Variants in RELN observed in about 807,000 individuals in gnomAD.
RELN encodes reelin.
RELN carries 108 observed loss-of-function variants against 427.6 expected under a neutral mutation model. That is an observed-to-expected ratio of 0.25 (90% CI 0.22 to 0.30). The LOEUF is 0.30. RELN is among the 10% of genes least tolerant of loss of function. The pLI is 1.00. For synonymous variants in RELN, 1,524 were observed against 1,513.4 expected, an observed-to-expected ratio of 1.01 and a Z score of -0.16; for missense variants, 3,715 against 4,302.8, an observed-to-expected ratio of 0.86 and a Z score of 3.82.
At chr7:103,481,253 T>C (rs1828225679) in intron 63 of RELN, among the ~76,000 whole-genome samples, 1 of 152,118 alleles carries the variant, frequency 6.6e-6, no homozygotes, top group African/African-American at 2.4e-5. Context: ...AATTGATTGT[T>C]TGGGCAGGAT....
chr7:103,895,338 C>A (rs182982790), intron 2 of RELN, among the ~76,000 whole-genome samples: 1 of 151,928 alleles, frequency 6.6e-6, no homozygotes, highest in Non-Finnish European at 1.5e-5. Flanking sequence ...AGATACCACA[C>A]GAGGCAAATG....
At chr7:103,538,433 C>T (rs993423533) in intron 45 of RELN, among the ~76,000 whole-genome samples, 20 of 152,224 alleles carry the variant, frequency 1.3e-4, no homozygotes, top group South Asian at 1.2e-3. Flanking sequence ...ATCTCTCCTA[C>T]GATGGGTCTG....
At chr7:103,865,138 A>T (rs887868973) in intron 2 of RELN, among the ~76,000 whole-genome samples, 17 of 140,374 alleles carry the variant, frequency 1.2e-4, no homozygotes, top group Non-Finnish European at 2.7e-4. Flanking sequence ...GTCTCAAAAA[A>T]AAAAAAAAAA....
intron 3 of RELN, among the ~76,000 whole-genome samples, chr7:103,817,098 C>T (rs948292223): frequency 3.9e-5 from 6 of 152,224 alleles, no homozygotes; most frequent in East Asian, 1.9e-4. Flanking sequence ...GTGATCCGCC[C>T]GCTTTGGCCT....
At chr7:103,865,132 CAA>C (rs386410871) in intron 2 of RELN, among the ~76,000 whole-genome samples, 18,030 of 66,488 alleles carry the variant, frequency 0.27, 739 homozygotes, top group East Asian at 0.49. Context: ...GAAACTGTCT[CAA>C]AAAAAAAAAA....
intron 1 of RELN, among the ~76,000 whole-genome samples, chr7:103,928,847 C>A (rs574365546): frequency 6.6e-6 from 1 of 152,172 alleles, no homozygotes; most frequent in African/African-American, 2.4e-5. Flanking sequence ...AATCACAGCC[C>A]TCTGGTGATG....
chr7:103,771,253 G>A (rs149542943), intron 4 of RELN, among the ~76,000 whole-genome samples: 1 of 151,546 alleles, frequency 6.6e-6, no homozygotes, highest in Non-Finnish European at 1.5e-5. Flanking sequence ...AAAACCCTAA[G>A]GTCCTTTTCT....
chr7:103,589,556 T>C (rs775857378), intron 28 of RELN, 40 bp downstream of exon 28: 2 of 1,375,540 alleles, frequency 1.5e-6, no homozygotes, highest in South Asian at 2.3e-5. Context: ...GGACTGTGTC[T>C]TTCTTAATGG....
chr7:103,708,097 T>C (rs1446642912), intron 8 of RELN, among the ~76,000 whole-genome samples: 2 of 152,194 alleles, frequency 1.3e-5, no homozygotes, highest in Non-Finnish European at 2.9e-5. Context: ...CTGAAATAGG[T>C]ATCCACTTTT....
At chr7:103,651,266 A>G (rs1471629675) in intron 15 of RELN, among the ~76,000 whole-genome samples, 1 of 152,102 alleles carries the variant, frequency 6.6e-6, no homozygotes, top group African/African-American at 2.4e-5. Context: ...ATTATACAGA[A>G]AAAAGTGGAA....
intron 10 of RELN, among the ~76,000 whole-genome samples, chr7:103,686,414 A>T (rs1421007173): frequency 6.6e-6 from 1 of 152,158 alleles, no homozygotes; most frequent in Admixed American, 6.6e-5. Flanking sequence ...ACCACAGCCA[A>T]TTTTTTAATG....
At chr7:103,945,690 A>G (rs1329144192) in intron 1 of RELN, among the ~76,000 whole-genome samples, 2 of 152,216 alleles carry the variant, frequency 1.3e-5, no homozygotes, top group Admixed American at 6.5e-5. Context: ...TAATTATTTG[A>G]GTACAATCAA....
rs183987332 is a variant in RELN, at chr7:103,508,170, C to T, written c.8274+2681G>A. Among the ~76,000 whole-genome samples the T allele has an allele frequency of 1.2e-3, 179 of 152,288 alleles. 1 individual carries two copies. Among genetic ancestry groups the T allele is most frequent in the African/African-American group, 4.0e-3 (165 of 41,554 alleles). ...AACAATAGAAAAAGAGGGAATCCCC[C>T]CTAACTCATTTTATGAGGCCAGCAT... On this transcript the variant is annotated intron_variant, in intron 51 of 64. Transcript: ENST00000428762.
intron 28 of RELN, among the ~76,000 whole-genome samples, chr7:103,581,968 T>C (rs1831161694): frequency 6.6e-6 from 1 of 152,158 alleles, no homozygotes. Context: ...CATTATTGTT[T>C]TGAGCTCTTA....
At chr7:103,713,078 A>G (rs75802355) in intron 8 of RELN, among the ~76,000 whole-genome samples, 3,146 of 152,222 alleles carry the variant, frequency 0.021, 107 homozygotes, top group African/African-American at 0.072. Flanking sequence ...GAAGGAGAGA[A>G]TTGATCTCAC....
chr7:103,823,810 A>G (rs264376), intron 3 of RELN, among the ~76,000 whole-genome samples: 77,349 of 151,772 alleles, frequency 0.51, 19,986 homozygotes, highest in Admixed American at 0.6. Flanking sequence ...GTTTGTTTTC[A>G]TTTTACTGAA....
chr7:103,748,373 A>G (rs1387620478), intron 6 of RELN, among the ~76,000 whole-genome samples: 2 of 152,072 alleles, frequency 1.3e-5, no homozygotes, highest in African/African-American at 4.8e-5. Context: ...GTAATATTGA[A>G]GCCTCAACAC....
At position 103,872,013 on chromosome 7, in the gene RELN, AAT is replaced by A. The variant is rs780607319; in HGVS notation, c.338-38343_338-38342del. 2.2e-3 allele frequency among the ~76,000 whole-genome samples: 249 copies of A among 115,042 alleles called. 1 individual carries two copies. Among genetic ancestry groups the A allele is most frequent in the African/African-American group, 7.3e-3 (218 of 30,012 alleles). The allele number at this position is 115,042 out of a possible 152,430, so 75.5% of individuals were successfully genotyped here. A position where few individuals can be genotyped will look rare whatever the true frequency, so the allele number is the denominator to read the frequency against. ...ACTTACATTCTATCTACAGTATATG[AAT>A]ATATATATATATATATTTTTCTTTT... is the stretch of plus-strand genomic sequence containing the variant. On this transcript the variant is annotated intron_variant, in intron 2 of 64. Transcript: ENST00000428762.
At position 103,589,791 on chromosome 7, in the gene RELN, G is replaced by C; in HGVS notation, c.3950C>G (p.Ala1317Gly). 1 of 1,611,448 alleles carries C rather than the reference G, an allele frequency of 6.2e-7. No individual in the cohort carries two copies. The highest frequency in any genetic ancestry group is 1.1e-5 in the South Asian group (1 of 91,022). Residue 1317 changes from alanine (A) to glycine (G), a missense_variant, in exon 28 of 65, where the codon GCT becomes GGT. Physicochemically the swap from Ala to Gly is moderately conservative, Grantham distance 60. This residue lies in a region of RELN where 2,208 missense variants were observed against 2,361.7 expected (regional missense o/e 0.93). Coordinates refer to ENST00000428762, the MANE Select transcript of RELN (RefSeq NM_005045.4). Reference sequence around the variant, plus strand: ...ATGAGAGTACTGAAGAAGAACTGGAGCAGTACTGCTGAATTGATTGGCACA... The same window carrying C: ...ATGAGAGTACTGAAGAAGAACTGGACCAGTACTGCTGAATTGATTGGCACA... The part of the protein sequence containing the change: ...IGCANQFSST[A>G]PVLLQYSHDA...
Sources: gnomAD v4.1 joint callset for allele counts (sites outside exome capture counted in the v4.1 genomes callset) on GRCh38, gnomAD v4.1.1 for gene constraint, gnomAD v4.1.1 regional missense constraint, MANE v1.5 for transcripts, NCBI Gene and HGNC (gene_info 2026-07-23, HGNC 2026-07-21) for gene names.